LRRK2: variants seen among roughly 807,000 people sequenced by gnomAD.
The protein encoded by LRRK2 is leucine rich repeat kinase 2.
LRRK2 carries 203 observed loss-of-function variants against 302.6 expected under a neutral mutation model. The ratio of observed to expected loss-of-function variants is 0.67; its 90% CI spans 0.60 to 0.75. The LOEUF (loss-of-function observed/expected upper bound fraction) is 0.75. Among genes scored for constraint, LRRK2 ranks in the 30% least tolerant of loss-of-function variants. The pLI, the probability that LRRK2 is intolerant of heterozygous loss-of-function variation, is 0.00. For synonymous variants in LRRK2, 1,066 were observed against 1,031.9 expected (o/e 1.03, Z -0.63); for missense variants, 2,830 against 2,951.0 (o/e 0.96, Z 0.95).
At chr12:40,313,167 G>T (rs2136841941) in intron 31 of LRRK2, among the ~76,000 whole-genome samples, 1 of 151,978 alleles carries the variant, frequency 6.6e-6, no homozygotes, top group South Asian at 2.1e-4. Flanking sequence ...CCAGAAATAG[G>T]GAGAGTTTGC....
chr12:40,257,413 A>T, intron 12 of LRRK2, 36 bp downstream of exon 12: 2 of 1,590,846 alleles, frequency 1.3e-6, no homozygotes, highest in African/African-American at 1.3e-5. Flanking sequence ...AGAATATATC[A>T]TATTGGGCCA....
chr12:40,248,491 T>C (rs936534518), intron 7 of LRRK2, among the ~76,000 whole-genome samples: 5 of 152,208 alleles, frequency 3.3e-5, no homozygotes, highest in African/African-American at 1.2e-4. Flanking sequence ...CTTGATTATC[T>C]CTTAGTGGAT....
rs546558613 is a variant in LRRK2 at position 40,362,986 on chromosome 12, G to T, written c.7029-416G>T. On this transcript the variant is annotated intron_variant, in intron 47 of 50. Coordinates refer to ENST00000298910, the MANE Select transcript of LRRK2 (RefSeq NM_198578.4). The stretch of plus-strand genomic sequence containing the variant: ...CAGCATTTTATATTTTATAACTCTA[G>T]GTATAAAAGGCTAACACTTAATTTT... Among the ~76,000 whole-genome samples, 4 of 151,942 alleles carry T rather than the reference G, an allele frequency of 2.6e-5. No individual in the cohort carries two copies. The South Asian group carries it at 6.2e-4, about 24-fold the overall frequency.
At chr12:40,249,803 C>A (rs756579598) in intron 7 of LRRK2, 23 bp from the exon 8 acceptor site, 5 of 1,612,358 alleles carry the variant, frequency 3.1e-6, no homozygotes. Flanking sequence ...GAGAATTCAG[C>A]TAATGTTTCA....
chr12:40,354,403 C>T lies in LRRK2; in HGVS notation c.6681C>T (p.Ile2227=). 1 of 1,614,056 alleles carries T rather than the reference C, an allele frequency of 6.2e-7. No individual in the cohort carries two copies. The highest frequency in any genetic ancestry group is 8.5e-7 in the Non-Finnish European group (1 of 1,179,960). The stretch of plus-strand genomic sequence containing the variant: ...CACAGTCTGGTACTCTCCTGGTCAT[C>T]AATACCGAAGATGGGAAAAAGAGAC... ...SGTQSGTLLV[I]NTEDGKKRHT... The change falls in exon 45 of 51, where the codon ATC becomes ATT. Residue 2227 remains isoleucine (I), a synonymous_variant. Coordinates refer to ENST00000298910, the MANE Select transcript of LRRK2 (RefSeq NM_198578.4).
In LRRK2 at chr12:40,225,282, G is replaced by T; in HGVS notation, c.151G>T (p.Ala51Ser). ...DLLVFTYSER[A>S]SKLFQGKNIH... ...GCTGGTGTTCACGTACTCCGAGCGC[G>T]GTAATCACTTGAAAATAAACTGTGC... is the stretch of plus-strand genomic sequence containing the variant. Residue 51 changes from alanine to serine, a missense_variant and splice_region_variant, in exon 1 of 51, where the codon GCC becomes TCC. By Grantham distance (99) the Ala-to-Ser change is moderately conservative (BLOSUM62 1). This residue lies in a region of LRRK2 where 2,121 missense variants were observed against 2,148.0 expected (regional missense o/e 0.99). Transcript: ENST00000298910. The T allele has an allele frequency of 6.2e-7, 1 of 1,613,992 alleles. No individual in the cohort carries two copies.
intron 47 of LRRK2, 103 bp downstream of exon 47, chr12:40,359,547 A>C: frequency 1.0e-6 from 1 of 974,038 alleles, no homozygotes; most frequent in Non-Finnish European, 1.5e-6. Context: ...AGATCTTTTA[A>C]AATGCATAAT....
chr12:40,315,368 A>T, intron 33 of LRRK2, 68 bp downstream of exon 33: 1 of 1,310,552 alleles, frequency 7.6e-7, no homozygotes, highest in Non-Finnish European at 1.1e-6. Context: ...CGCCCAGAGC[A>T]TTGAGCATTT....
At chr12:40,266,332 G>T (rs1171165077) in intron 14 of LRRK2, among the ~76,000 whole-genome samples, 1 of 152,172 alleles carries the variant, frequency 6.6e-6, no homozygotes. Context: ...CCATCAAAAA[G>T]TGGGCAAAGG....
At chr12:40,317,539 A>G (rs1022968727) in intron 33 of LRRK2, among the ~76,000 whole-genome samples, 1 of 152,146 alleles carries the variant, frequency 6.6e-6, no homozygotes, top group African/African-American at 2.4e-5. Context: ...AACTTATTAA[A>G]AAAAGGTACC....
chr12:40,296,952 C>T (rs1944408519), intron 23 of LRRK2, among the ~76,000 whole-genome samples: 1 of 152,144 alleles, frequency 6.6e-6, no homozygotes. Context: ...TTCTACCCTC[C>T]AGCCAACCTA....
chr12:40,287,293 ATGTT>A, intron 19 of LRRK2, 54 bp from the exon 20 acceptor site: 1 of 1,488,596 alleles, frequency 6.7e-7, no homozygotes, highest in Non-Finnish European at 9.3e-7. Context: ...GGTCCTATGT[ATGTT>A]TATTTTTGCA....
chr12:40,243,454 G>C, intron 6 of LRRK2, 96 bp from the exon 7 acceptor site: 3 of 1,354,276 alleles, frequency 2.2e-6, no homozygotes, highest in Non-Finnish European at 3.1e-6. Flanking sequence ...TCATTATGCT[G>C]CCATCTATTT....
In LRRK2 at chr12:40,311,115, G is replaced by T. The variant is rs145753112; in HGVS notation, c.4536+466G>T. 3.6e-4 allele frequency among the ~76,000 whole-genome samples: 55 copies of T among 152,106 alleles called. 1 individual carries two copies. The East Asian group carries it at 9.5e-3, about 26-fold the overall frequency. On this transcript the variant is annotated intron_variant, in intron 31 of 50. Coordinates refer to ENST00000298910, the MANE Select transcript of LRRK2 (RefSeq NM_198578.4). ...TTGATCTTTTGTGCCACTCATTCAT[G>T]AATTTTGTCACTGTGATTCCCATTC...
intron 45 of LRRK2, 138 bp downstream of exon 45, chr12:40,354,630 G>T: frequency 1.3e-6 from 1 of 795,890 alleles, no homozygotes; most frequent in East Asian, 2.7e-5. Context: ...AAAGGGAATT[G>T]TGGAAGGTCA....
chr12:40,321,717 C>T (rs1427745509), intron 35 of LRRK2, among the ~76,000 whole-genome samples: 2 of 151,964 alleles, frequency 1.3e-5, no homozygotes, highest in Non-Finnish European at 2.9e-5. Context: ...GAAAGTTTTG[C>T]GTTTAGCATG....
intron 28 of LRRK2, among the ~76,000 whole-genome samples, chr12:40,306,725 C>T (rs1157420516): frequency 6.6e-6 from 1 of 152,172 alleles, no homozygotes; most frequent in East Asian, 1.9e-4. Flanking sequence ...AACACAGTGC[C>T]TGGCATACAA....
At chr12:40,344,624 T>C (rs1461074189) in intron 41 of LRRK2, among the ~76,000 whole-genome samples, 2 of 152,210 alleles carry the variant, frequency 1.3e-5, no homozygotes, top group African/African-American at 4.8e-5. Flanking sequence ...ATAAGGTGTC[T>C]GTAAAATAGT....
At position 40,298,515 on chromosome 12, in the gene LRRK2, A is replaced by G. The variant is rs749331886; in HGVS notation, c.3347+22A>G. On this transcript the variant is annotated intron_variant, in intron 24 of 50. Coordinates refer to ENST00000298910, the MANE Select transcript of LRRK2 (RefSeq NM_198578.4). ...AAGGGTAAGAAAGAGCTCATTAAAA[A>G]TAAAAGGGTTGCCTAAATATGCTGA... is the stretch of plus-strand genomic sequence containing the variant. 2.5e-6 allele frequency: 4 copies of G among 1,613,728 alleles called. No individual in the cohort carries two copies. In the South Asian group the frequency reaches 3.3e-5, roughly 13 times the overall value.
Sources: gnomAD v4.1 joint callset for allele counts (sites outside exome capture counted in the v4.1 genomes callset) on GRCh38, gnomAD v4.1.1 for gene constraint, gnomAD v4.1.1 regional missense constraint, MANE v1.5 for transcripts, NCBI Gene and HGNC (gene_info 2026-07-23, HGNC 2026-07-21) for gene names.